The following ABCC4 variants were observed in gnomAD, a reference collection of about 807,000 sequenced individuals.
ABCC4 encodes ATP-binding cassette sub-family C member 4.
Under a neutral mutation model 168.5 loss-of-function variants are expected in ABCC4, and 102 were observed. The observed-to-expected ratio is 0.61, with a 90% CI of 0.52 to 0.71. ABCC4 has a LOEUF of 0.71. ABCC4 is among the 30% of genes least tolerant of loss of function. The pLI is 0.00. For missense variants in ABCC4, 1,402 were observed against 1,605.8 expected (o/e 0.87, Z 2.17); for synonymous variants, 617 against 590.7 (o/e 1.04, Z -0.65).
At chr13:95,171,011 C>T (rs1311995687) in intron 13 of ABCC4, among the ~76,000 whole-genome samples, 1 of 151,762 alleles carries the variant, frequency 6.6e-6, no homozygotes, top group Non-Finnish European at 1.5e-5. Context: ...TTTTCTTGGA[C>T]GGTTTCTTAG....
At chr13:95,133,523 G>A (rs188476139) in intron 19 of ABCC4, among the ~76,000 whole-genome samples, 2 of 152,246 alleles carry the variant, frequency 1.3e-5, no homozygotes, top group East Asian at 1.9e-4. Context: ...TCAGCTCGAC[G>A]TGGACACTCA....
intron 30 of ABCC4, among the ~76,000 whole-genome samples, chr13:95,025,223 CCA>C (rs1366834664): frequency 8.7e-5 from 4 of 46,002 alleles, no homozygotes; most frequent in African/African-American, 3.8e-4. Flanking sequence ...CCACACACCC[CCA>C]CACACACCCA....
chr13:95,240,574 A>T (rs1162714227), intron 3 of ABCC4, among the ~76,000 whole-genome samples: 9 of 151,078 alleles, frequency 6.0e-5, no homozygotes. Context: ...ACACATCTTC[A>T]GAGGGGGCAG....
intron 19 of ABCC4, among the ~76,000 whole-genome samples, chr13:95,160,238 C>T (rs2037048247): frequency 6.6e-6 from 1 of 152,148 alleles, no homozygotes; most frequent in African/African-American, 2.4e-5. Context: ...TGTGCTCTGG[C>T]CTTGGTCAAA....
At chr13:95,044,781 TA>T (rs1241633239) in intron 27 of ABCC4, among the ~76,000 whole-genome samples, 3 of 152,104 alleles carry the variant, frequency 2.0e-5, no homozygotes, top group Non-Finnish European at 4.4e-5. Context: ...ATTCTGTAGG[TA>T]AAATACAGAA....
chr13:95,140,280 C>T (rs998640127), intron 19 of ABCC4, among the ~76,000 whole-genome samples: 4 of 152,252 alleles, frequency 2.6e-5, no homozygotes, highest in African/African-American at 7.2e-5. Flanking sequence ...TTCATGGACT[C>T]GGCATAGCAT....
chr13:95,153,428 G>A (rs1043000708), intron 19 of ABCC4, among the ~76,000 whole-genome samples: 48 of 152,074 alleles, frequency 3.2e-4, no homozygotes, highest in South Asian at 4.1e-4. Context: ...CCATAGCCAC[G>A]GACATTAGAC....
chr13:95,108,290 T>A (rs900338691), intron 20 of ABCC4, among the ~76,000 whole-genome samples: 1 of 152,154 alleles, frequency 6.6e-6, no homozygotes, highest in Non-Finnish European at 1.5e-5. Flanking sequence ...TATAGGGAGA[T>A]GGGTGGGCAC....
intron 19 of ABCC4, among the ~76,000 whole-genome samples, chr13:95,151,657 AATC>A (rs998305465): frequency 6.6e-6 from 1 of 151,662 alleles, no homozygotes; most frequent in Non-Finnish European, 1.5e-5. Context: ...AAGGAGAAGA[AATC>A]ATCATCATCA....
At chr13:95,027,672 T>C (rs1344151685) in intron 30 of ABCC4, among the ~76,000 whole-genome samples, 1 of 152,184 alleles carries the variant, frequency 6.6e-6, no homozygotes, top group East Asian at 1.9e-4. Context: ...TGTATTTATA[T>C]TGTTATTGTT....
At chr13:95,149,999 T>C (rs2036620731) in intron 19 of ABCC4, among the ~76,000 whole-genome samples, 1 of 152,122 alleles carries the variant, frequency 6.6e-6, no homozygotes, top group African/African-American at 2.4e-5. Context: ...AGAGACAGGG[T>C]CTCATTCTGA....
intron 20 of ABCC4, among the ~76,000 whole-genome samples, chr13:95,084,938 A>T (rs1189434): frequency 6.6e-6 from 1 of 152,194 alleles, no homozygotes. Context: ...ATTAGGAAAC[A>T]TGTGATATCA....
intron 8 of ABCC4, among the ~76,000 whole-genome samples, chr13:95,201,131 C>G (rs1452310013): frequency 6.6e-6 from 1 of 152,162 alleles, no homozygotes; most frequent in Non-Finnish European, 1.5e-5. Flanking sequence ...AAGATGCATC[C>G]TTTATCTGGA....
At chr13:95,183,241 T>C (rs184346964) in intron 11 of ABCC4, among the ~76,000 whole-genome samples, 19 of 152,288 alleles carry the variant, frequency 1.2e-4, no homozygotes, top group Admixed American at 9.8e-4. Context: ...CTGCAGTCTT[T>C]ATAATCCTGC....
At chr13:95,043,038 G>C (rs2032425767) in intron 29 of ABCC4, among the ~76,000 whole-genome samples, 1 of 152,182 alleles carries the variant, frequency 6.6e-6, no homozygotes, top group Admixed American at 6.5e-5. Context: ...CTAAAGTGCT[G>C]AGATTACAGG....
At chr13:95,143,772 G>A (rs989812791) in intron 19 of ABCC4, among the ~76,000 whole-genome samples, 1 of 152,154 alleles carries the variant, frequency 6.6e-6, no homozygotes, top group Non-Finnish European at 1.5e-5. Flanking sequence ...AGAAAGTCAT[G>A]CCAATGTACT....
At chr13:95,173,831 G>C (rs2037565411) in intron 13 of ABCC4, among the ~76,000 whole-genome samples, 1 of 152,156 alleles carries the variant, frequency 6.6e-6, no homozygotes, top group South Asian at 2.1e-4. Context: ...AACACAAATG[G>C]TATTAGTAGA....
chr13:95,274,208 A>G lies in ABCC4; in HGVS notation c.75-26455T>C, dbSNP rs557104668. On this transcript the variant is annotated intron_variant, in intron 1 of 30. Coordinates refer to ENST00000645237, the MANE Select transcript of ABCC4 (RefSeq NM_005845.5). ...AGCCAGGCCAGTAGATTTCTCATACAGCAGGGTGACCCTGTTCAGGGCCTT... is the reference window on the plus strand; with the variant it reads ...AGCCAGGCCAGTAGATTTCTCATACGGCAGGGTGACCCTGTTCAGGGCCTT... Among the ~76,000 whole-genome samples, 31 of 152,290 alleles carry G rather than the reference A, an allele frequency of 2.0e-4. No individual in the cohort carries two copies. In the East Asian group the frequency reaches 5.8e-3, roughly 28 times the overall value.
chr13:95,206,410 G>A (rs907457073), intron 8 of ABCC4, 122 bp downstream of exon 8: 15 of 1,301,802 alleles, frequency 1.2e-5, no homozygotes, highest in Admixed American at 4.1e-5. Context: ...CTGGAATGGC[G>A]GCACGTTTTG....
Sources: gnomAD v4.1 joint callset for allele counts (sites outside exome capture counted in the v4.1 genomes callset) on GRCh38, gnomAD v4.1.1 for gene constraint, MANE v1.5 for transcripts, NCBI Gene and HGNC (gene_info 2026-07-23, HGNC 2026-07-21) for gene names.